SSBP1: variants seen among roughly 807,000 people sequenced by gnomAD.
SSBP1 encodes the protein single stranded DNA binding protein 1.
Under a neutral mutation model 27.0 loss-of-function variants are expected in SSBP1, and 20 were observed. The observed-to-expected ratio is 0.74, with a 90% CI of 0.52 to 1.08. The LOEUF is 1.08. SSBP1 is among the 50% of genes least tolerant of loss of function. The probability of loss-of-function intolerance (pLI) is 0.00; values close to 1 mark genes in which losing one functional copy is unlikely to be tolerated. For synonymous variants in SSBP1, 59 were observed against 59.3 expected, an observed-to-expected ratio of 1.00 and a Z score of 0.02; for missense variants, 137 against 182.4, an observed-to-expected ratio of 0.75 and a Z score of 1.44.
At chr7:141,750,236 G>A (rs1477694318) in intron 6 of SSBP1, 75 bp from the exon 7 acceptor site, 1 of 1,062,056 alleles carries the variant, frequency 9.4e-7, no homozygotes, top group Non-Finnish European at 1.4e-6. Flanking sequence ...AAAGTTATAT[G>A]TATTAGAGGA....
At chr7:141,738,919 AT>A in intron 1 of SSBP1, 4 of 408,284 alleles carry the variant, frequency 9.8e-6, no homozygotes, top group Non-Finnish European at 1.7e-5. Flanking sequence ...AGAGGAAGTT[AT>A]TTGGGACCAA....
At chr7:141,749,140 G>C (rs767072806) in intron 6 of SSBP1, among the ~76,000 whole-genome samples, 1 of 152,086 alleles carries the variant, frequency 6.6e-6, no homozygotes, top group Non-Finnish European at 1.5e-5. Context: ...AAATACAAGT[G>C]AAACAATACA....
chr7:141,745,798 G>A (rs1584769099), intron 6 of SSBP1: 2 of 1,296,164 alleles, frequency 1.5e-6, no homozygotes, highest in East Asian at 6.0e-5. Flanking sequence ...TACAGTTTTA[G>A]TCACAAGTAA....
chr7:141,745,568 A>G lies in SSBP1; in HGVS notation c.387A>G (p.Ala129=), dbSNP rs2117186202. 6.2e-7 allele frequency: 1 copy of G among 1,613,288 alleles called. No individual in the cohort carries two copies. Among genetic ancestry groups the G allele is most frequent in the East Asian group, 2.2e-5 (1 of 44,780 alleles). ...YMDKNNVRRQ[A]TTIIADNIIF... ...ATAAAAATAATGTGAGGCGACAAGC[A>G]ACAACAATCATAGCTGGTAAGAAGC... Residue 129 remains alanine, a synonymous_variant, in exon 6 of 7, where the codon GCA becomes GCG. Coordinates refer to ENST00000265304, the MANE Select transcript of SSBP1 (RefSeq NM_003143.3).
intron 5 of SSBP1, among the ~76,000 whole-genome samples, chr7:141,744,384 GT>G (rs1489171511): frequency 6.6e-6 from 1 of 152,202 alleles, no homozygotes. Context: ...CTGCCACATG[GT>G]ATTTCCAGCA....
chr7:141,743,734 C>T, intron 4 of SSBP1, 33 bp downstream of exon 4: 2 of 1,605,398 alleles, frequency 1.2e-6, no homozygotes, highest in Non-Finnish European at 8.5e-7. Flanking sequence ...TTAATTTTAT[C>T]AGCAATAAAT....
At chr7:141,748,437 C>T (rs1563030579) in intron 6 of SSBP1, among the ~76,000 whole-genome samples, 1 of 152,136 alleles carries the variant, frequency 6.6e-6, no homozygotes, top group Admixed American at 6.6e-5. Context: ...GTCTTAACCA[C>T]CATACCTTAT....
chr7:141,744,777 G>A (rs1012151029), intron 5 of SSBP1, among the ~76,000 whole-genome samples: 12 of 152,166 alleles, frequency 7.9e-5, no homozygotes, highest in Admixed American at 6.5e-5. Context: ...CAAGGGAAGT[G>A]TCTGCACTCC....
At chr7:141,739,103 T>TA in intron 1 of SSBP1, 21 bp from the exon 2 acceptor site, 1 of 1,456,404 alleles carries the variant, frequency 6.9e-7, no homozygotes, top group Non-Finnish European at 9.3e-7. Context: ...GTTTTTTTCT[T>TA]ATTTTGTTTT....
chr7:141,738,949 G>A (rs1584757833), intron 1 of SSBP1, 175 bp from the exon 2 acceptor site: 1 of 454,154 alleles, frequency 2.2e-6, no homozygotes, highest in Middle Eastern at 5.6e-4. Flanking sequence ...ACAGGTGTGA[G>A]TTTATTTGGG....
intron 2 of SSBP1, chr7:141,739,501 G>T (rs2117154574): frequency 3.8e-6 from 1 of 265,262 alleles, no homozygotes; most frequent in East Asian, 6.3e-5. Context: ...AGGAATCATT[G>T]TTCCAACTTT....
Position 141,744,038 on chromosome 7 carries a change from G to A in SSBP1, c.314+49G>A, listed in dbSNP as rs6957284. 0.012 allele frequency: 17,700 copies of A among 1,522,404 alleles called. 1,751 individuals are homozygous for A. In the African/African-American group the frequency reaches 0.21, roughly 18 times the overall value. 94.3% of individuals were successfully genotyped at this position (1,522,404 alleles called of 1,614,324 possible). On this transcript the variant is annotated intron_variant, in intron 5 of 6. Coordinates refer to ENST00000265304, the MANE Select transcript of SSBP1 (RefSeq NM_003143.3). ...TATGAATTGAATGATTTAAAGAACCGATAAGAAGTGTTCTCATGGCAAGGA... is the reference window on the plus strand; with the variant it reads ...TATGAATTGAATGATTTAAAGAACCAATAAGAAGTGTTCTCATGGCAAGGA...
chr7:141,745,812 T>C (rs1240488545), intron 6 of SSBP1: 5 of 1,282,078 alleles, frequency 3.9e-6, no homozygotes. Flanking sequence ...CAAGTAACTT[T>C]TGAATAAAGC....
In SSBP1 at chr7:141,742,099, A is replaced by C. The variant is rs1799557735; in HGVS notation, c.25-70A>C. ...ACTGACTATATGGTGAATGAACGTG[A>C]GTAATTCTTCTGTTTGCATTTGCCT... is the stretch of plus-strand genomic sequence containing the variant. On this transcript the variant is annotated intron_variant, in intron 2 of 6. Coordinates refer to ENST00000265304, the MANE Select transcript of SSBP1 (RefSeq NM_003143.3). The C allele has an allele frequency of 2.6e-6, 3 of 1,146,856 alleles. No homozygotes were observed. The Admixed American group carries it at 5.3e-5, about 20-fold the overall frequency. The allele number at this position is 1,146,856 out of a possible 1,614,324, so 71.0% of individuals were successfully genotyped here. A position where few individuals can be genotyped will look rare whatever the true frequency, so the allele number is the denominator to read the frequency against.
chr7:141,739,357 A>T (rs578112432), intron 2 of SSBP1, 167 bp downstream of exon 2: 1 of 464,262 alleles, frequency 2.2e-6, no homozygotes, highest in South Asian at 6.2e-5. Context: ...AGTGTAAATT[A>T]TGTTCACTAA....
At chr7:141,746,003 A>G (rs1268846033) in intron 6 of SSBP1, 31 of 985,750 alleles carry the variant, frequency 3.1e-5, no homozygotes, top group Non-Finnish European at 3.6e-5. Context: ...TGAAATTTCT[A>G]TTTGAAATTA....
At position 141,745,561 on chromosome 7, in the gene SSBP1, G is replaced by A. The variant is rs749379289; in HGVS notation, c.380G>A (p.Arg127Gln). Residue 127 changes from arginine (R) to glutamine (Q), a missense_variant, in exon 6 of 7, where the codon CGA (arginine) becomes CAA (glutamine). Physicochemically the swap from Arg to Gln is conservative, Grantham distance 43. Around this residue, in one of 2 missense-constraint regions of SSBP1, gnomAD observed 95 missense variants for 152.0 expected, o/e 0.62. Coordinates refer to ENST00000265304, the MANE Select transcript of SSBP1 (RefSeq NM_003143.3). The stretch of plus-strand genomic sequence containing the variant: ...TACATGGATAAAAATAATGTGAGGC[G>A]ACAAGCAACAACAATCATAGCTGGT... ...GEYMDKNNVR[R>Q]QATTIIADNI... The A allele has an allele frequency of 4.4e-5, 71 of 1,613,074 alleles. No homozygotes were observed. The highest frequency in any genetic ancestry group is 5.6e-5 in the Non-Finnish European group (66 of 1,179,538).
intron 4 of SSBP1, 42 bp downstream of exon 4, chr7:141,743,743 A>G (rs754582564): frequency 6.3e-7 from 1 of 1,595,760 alleles, no homozygotes; most frequent in South Asian, 1.1e-5. Context: ...TCAGCAATAA[A>G]TAGATATTAT....
intron 6 of SSBP1, among the ~76,000 whole-genome samples, chr7:141,748,017 AT>A (rs1554421722): frequency 1.6e-4 from 22 of 140,012 alleles, no homozygotes; most frequent in South Asian, 2.4e-4. Flanking sequence ...AAAAAAAAAA[AT>A]TTTTTTTTTT....
Sources: gnomAD v4.1 joint callset for allele counts (sites outside exome capture counted in the v4.1 genomes callset) on GRCh38, gnomAD v4.1.1 for gene constraint, gnomAD v4.1.1 regional missense constraint, MANE v1.5 for transcripts, NCBI Gene and HGNC (gene_info 2026-07-23, HGNC 2026-07-21) for gene names.